The following PDGFC variants were observed in gnomAD, a reference collection of about 807,000 sequenced individuals.
The protein encoded by PDGFC is platelet-derived growth factor C.
In PDGFC, 12 loss-of-function variants were observed where a neutral mutation model predicts 35.5. The observed-to-expected ratio is 0.34, with a 90% confidence interval of 0.22 to 0.55. The LOEUF is 0.55. Ranked by LOEUF, PDGFC falls within the 20% of genes least tolerant of loss-of-function variation. The pLI is 0.91. For missense variants in PDGFC, 322 were observed against 412.4 expected (o/e 0.78, Z 1.90); for synonymous variants, 159 against 148.8 (o/e 1.07, Z -0.50).
At chr4:156,921,752 G>C (rs1230207561) in intron 1 of PDGFC, among the ~76,000 whole-genome samples, 1 of 152,088 alleles carries the variant, frequency 6.6e-6, no homozygotes, top group Non-Finnish European at 1.5e-5. Flanking sequence ...TATAAACGAA[G>C]AAAAGTGATG....
chr4:156,919,585 G>A (rs577740860), intron 1 of PDGFC, among the ~76,000 whole-genome samples: 9 of 152,136 alleles, frequency 5.9e-5, no homozygotes, highest in African/African-American at 2.2e-4. Flanking sequence ...GTCCAGCACA[G>A]AGGATACAAG....
At chr4:156,781,008 C>A (rs747422457) in intron 3 of PDGFC, among the ~76,000 whole-genome samples, 3 of 152,102 alleles carry the variant, frequency 2.0e-5, no homozygotes, top group Non-Finnish European at 4.4e-5. Flanking sequence ...AGGATCTCTG[C>A]TTGGACCTTT....
intron 1 of PDGFC, among the ~76,000 whole-genome samples, chr4:156,852,276 G>T (rs1209387857): frequency 6.6e-6 from 1 of 152,110 alleles, no homozygotes; most frequent in African/African-American, 2.4e-5. Context: ...CCAAAATAAG[G>T]TAAGTATCAT....
chr4:156,777,279 A>T (rs1730855131), intron 3 of PDGFC, among the ~76,000 whole-genome samples: 1 of 152,182 alleles, frequency 6.6e-6, no homozygotes, highest in South Asian at 2.1e-4. Context: ...TGCTTAGAAA[A>T]CTGATACCAA....
chr4:156,966,210 T>C (rs1436969206), intron 1 of PDGFC, among the ~76,000 whole-genome samples: 1 of 152,138 alleles, frequency 6.6e-6, no homozygotes, highest in Non-Finnish European at 1.5e-5. Flanking sequence ...TAATACAACA[T>C]ACAGATTGTT....
At chr4:156,938,734 C>T (rs1257852108) in intron 1 of PDGFC, among the ~76,000 whole-genome samples, 1 of 151,728 alleles carries the variant, frequency 6.6e-6, no homozygotes, top group East Asian at 1.9e-4. Context: ...GAATTTTAGG[C>T]ACTTTATTCA....
At chr4:156,783,465 T>C (rs2110854745) in intron 3 of PDGFC, among the ~76,000 whole-genome samples, 1 of 152,236 alleles carries the variant, frequency 6.6e-6, no homozygotes, top group East Asian at 1.9e-4. Context: ...ATCTGAACCT[T>C]TGCTCCTGAT....
intron 1 of PDGFC, among the ~76,000 whole-genome samples, chr4:156,920,985 G>T (rs1208994264): frequency 6.6e-6 from 1 of 152,136 alleles, no homozygotes; most frequent in Admixed American, 6.5e-5. Flanking sequence ...GATGAAAAAT[G>T]GATTGTTAAC....
At chr4:156,824,688 T>C (rs545528266) in intron 2 of PDGFC, among the ~76,000 whole-genome samples, 30 of 151,648 alleles carry the variant, frequency 2.0e-4, no homozygotes, top group African/African-American at 7.3e-4. Flanking sequence ...AAACATCACC[T>C]CATACCATTG....
intron 1 of PDGFC, among the ~76,000 whole-genome samples, chr4:156,948,850 G>A (rs549011576): frequency 2.6e-5 from 4 of 151,980 alleles, no homozygotes; most frequent in Non-Finnish European, 5.9e-5. Flanking sequence ...TAGAGTGTGA[G>A]CATTTCTCTG....
chr4:156,818,115 A>C (rs1732143301), intron 2 of PDGFC, among the ~76,000 whole-genome samples: 1 of 147,456 alleles, frequency 6.8e-6, no homozygotes, highest in South Asian at 2.2e-4. Flanking sequence ...TGAAATGGCA[A>C]TACTAGATAC....
intron 1 of PDGFC, among the ~76,000 whole-genome samples, chr4:156,860,157 G>A (rs1729676087): frequency 6.6e-6 from 1 of 152,132 alleles, no homozygotes; most frequent in South Asian, 2.1e-4. Context: ...AGCAAGGTGA[G>A]ATTATTCTCT....
intron 1 of PDGFC, among the ~76,000 whole-genome samples, chr4:156,925,956 G>A (rs1284353054): frequency 6.7e-6 from 1 of 149,426 alleles, no homozygotes; most frequent in Admixed American, 6.7e-5. Context: ...GTAGGTTGAG[G>A]TGAGAGGATC....
chr4:156,882,892 G>A (rs569757920), intron 1 of PDGFC, among the ~76,000 whole-genome samples: 1 of 152,194 alleles, frequency 6.6e-6, no homozygotes, highest in East Asian at 1.9e-4. Context: ...AGACCATCCT[G>A]GCTAACAAGG....
intron 2 of PDGFC, among the ~76,000 whole-genome samples, chr4:156,824,874 T>G (rs978152908): frequency 6.6e-6 from 1 of 152,138 alleles, no homozygotes; most frequent in Non-Finnish European, 1.5e-5. Context: ...CATTAATATT[T>G]AGGCCTGCTG....
chr4:156,778,573 A>T (rs1220646791), intron 3 of PDGFC, among the ~76,000 whole-genome samples: 2 of 152,154 alleles, frequency 1.3e-5, no homozygotes, highest in African/African-American at 2.4e-5. Context: ...TGCACTTGTT[A>T]ACATCTTTCC....
chr4:156,802,206 T>G (rs1731631159), intron 3 of PDGFC, among the ~76,000 whole-genome samples: 1 of 152,126 alleles, frequency 6.6e-6, no homozygotes, highest in African/African-American at 2.4e-5. Context: ...TTTGGCAACA[T>G]AAACTTCTAA....
At chr4:156,962,858 A>G (rs1732374376) in intron 1 of PDGFC, among the ~76,000 whole-genome samples, 1 of 152,064 alleles carries the variant, frequency 6.6e-6, no homozygotes. Flanking sequence ...ACTCCTGGAG[A>G]GTCATTATTA....
intron 3 of PDGFC, among the ~76,000 whole-genome samples, chr4:156,807,242 T>C (rs1731793606): frequency 1.3e-5 from 2 of 152,062 alleles, no homozygotes; most frequent in South Asian, 2.1e-4. Flanking sequence ...GCAATTCTAG[T>C]ACTACTGTTT....
Sources: allele counts gnomAD v4.1 joint callset (sites outside exome capture counted in the v4.1 genomes callset), GRCh38; gene constraint gnomAD v4.1.1; transcripts MANE v1.5; gene names NCBI Gene and HGNC (gene_info 2026-07-23, HGNC 2026-07-21).